Variants in COL8A2 observed in about 807,000 individuals in gnomAD.
COL8A2 encodes the protein collagen alpha-2(VIII) chain.
COL8A2 carries 16 observed loss-of-function variants against 24.0 expected under a neutral mutation model. The observed-to-expected ratio is 0.67, with a 90% confidence interval of 0.45 to 1.01. COL8A2 has a LOEUF of 1.01. Ranked by LOEUF, COL8A2 falls within the 50% of genes least tolerant of loss-of-function variation. The pLI, the probability that COL8A2 is intolerant of heterozygous loss-of-function variation, is 0.00. For synonymous variants in COL8A2, 466 were observed against 424.5 expected, an observed-to-expected ratio of 1.10 and a Z score of -1.20; for missense variants, 818 against 942.4, an observed-to-expected ratio of 0.87 and a Z score of 1.73.
At chr1:36,100,341 T>C in intron 2 of COL8A2, 83 bp from the exon 3 acceptor site, 1 of 1,183,826 alleles carries the variant, frequency 8.4e-7, no homozygotes, top group Non-Finnish European at 1.2e-6. Context: ...GATCAGAATT[T>C]AGAGATTACA....
At position 36,098,631 on chromosome 1, in the gene COL8A2, C is replaced by T; in HGVS notation, c.1050G>A (p.Glu350=). The T allele has an allele frequency of 1.2e-6, 2 of 1,611,038 alleles. No individual in the cohort carries two copies. The highest frequency in any genetic ancestry group is 1.1e-5 in the South Asian group (1 of 90,988). The part of the protein sequence containing the change: ...GEPGEDGEPG[E]QGPQGLGGPP... ...GACCCCCAAGACCCTGTGGGCCCTGCTCCCCTGGCTCCCCATCCTCCCCTG... is the reference window on the plus strand; with the variant it reads ...GACCCCCAAGACCCTGTGGGCCCTGTTCCCCTGGCTCCCCATCCTCCCCTG... Residue 350 remains glutamate, a synonymous_variant, in exon 4 of 4, where the codon GAG becomes GAA. Coordinates refer to ENST00000397799, the MANE Select transcript of COL8A2 (RefSeq NM_005202.4).
chr1:36,122,614 C>T (rs929354721), intron 1 of COL8A2, among the ~76,000 whole-genome samples: 2 of 152,100 alleles, frequency 1.3e-5, no homozygotes, highest in African/African-American at 2.4e-5. Flanking sequence ...CTGGCCCCAT[C>T]GCCAACCGGC....
At chr1:36,119,804 A>G (rs1016598917) in intron 1 of COL8A2, among the ~76,000 whole-genome samples, 2 of 152,156 alleles carry the variant, frequency 1.3e-5, no homozygotes, top group African/African-American at 4.8e-5. Context: ...CTTTCAGGAG[A>G]TAACTGACCC....
At chr1:36,117,639 G>A (rs1186116875) in intron 1 of COL8A2, among the ~76,000 whole-genome samples, 1 of 152,194 alleles carries the variant, frequency 6.6e-6, no homozygotes, top group Non-Finnish European at 1.5e-5. Flanking sequence ...ACAACCCAGT[G>A]ACAAAAGTAT....
intron 1 of COL8A2, among the ~76,000 whole-genome samples, chr1:36,119,042 C>T (rs1291106650): frequency 1.3e-5 from 2 of 152,128 alleles, no homozygotes; most frequent in African/African-American, 4.8e-5. Flanking sequence ...CTCCCGTAAC[C>T]CTGGAAGGCT....
intron 2 of COL8A2, among the ~76,000 whole-genome samples, chr1:36,106,651 G>A (rs2124089074): frequency 6.6e-6 from 1 of 152,306 alleles, no homozygotes; most frequent in African/African-American, 2.4e-5. Flanking sequence ...TGGGAGTGAT[G>A]GAGGGTGCAG....
intron 1 of COL8A2, among the ~76,000 whole-genome samples, chr1:36,124,625 TG>T (rs1643937611): frequency 6.6e-6 from 1 of 151,760 alleles, no homozygotes; most frequent in Admixed American, 6.6e-5. Context: ...GGCAGAGAGA[TG>T]GGGGCAGGAG....
In COL8A2 at chr1:36,095,463, A is replaced by G. The variant is rs1300487736; in HGVS notation, c.*2106T>C. The G allele has an allele frequency of 6.6e-6, 1 of 152,188 alleles. No individual in the cohort carries two copies. Among genetic ancestry groups the G allele is most frequent in the Admixed American group, 6.5e-5 (1 of 15,276 alleles). The allele number at this position is 152,188 out of a possible 1,614,324, so 9.4% of individuals were successfully genotyped here. On this transcript the variant is annotated 3_prime_UTR_variant, in exon 4 of 4. Transcript: ENST00000397799. ...TAAACTTTAATCTTAAAAAAAAAAT[A>G]GGAATCAATATAAAAATGCACAAGG...
intron 2 of COL8A2, among the ~76,000 whole-genome samples, chr1:36,111,816 G>A (rs1420435882): frequency 6.6e-6 from 1 of 151,924 alleles, no homozygotes; most frequent in Admixed American, 6.6e-5. Context: ...CTTCCCAACT[G>A]AGCCTCAGAC....
At chr1:36,107,889 G>A (rs1643782766) in intron 2 of COL8A2, among the ~76,000 whole-genome samples, 1 of 152,066 alleles carries the variant, frequency 6.6e-6, no homozygotes, top group African/African-American at 2.4e-5. Flanking sequence ...CGACACCTGG[G>A]AAACTGGCTG....
chr1:36,107,025 G>A (rs1643771526), intron 2 of COL8A2, among the ~76,000 whole-genome samples: 1 of 152,212 alleles, frequency 6.6e-6, no homozygotes, highest in Non-Finnish European at 1.5e-5. Context: ...CACGCAATAC[G>A]TGACTTAATT....
chr1:36,097,283 C>A lies in COL8A2; in HGVS notation c.*286G>T. On this transcript the variant is annotated 3_prime_UTR_variant, in exon 4 of 4. Transcript: ENST00000397799. ...GAGCTCCCTCTCAGCTCCTTCAGGGCCCAGCAGAGGCCAGGACTCACAAGG... is the reference window on the plus strand; with the variant it reads ...GAGCTCCCTCTCAGCTCCTTCAGGGACCAGCAGAGGCCAGGACTCACAAGG... The A allele has an allele frequency of 2.9e-6, 1 of 345,376 alleles. No homozygotes were observed. The highest frequency in any genetic ancestry group is 4.4e-5 in the South Asian group (1 of 22,492). 21.4% of individuals were successfully genotyped at this position (345,376 alleles called of 1,614,324 possible).
intron 2 of COL8A2, among the ~76,000 whole-genome samples, chr1:36,104,325 C>T (rs1643724005): frequency 6.6e-6 from 1 of 151,048 alleles, no homozygotes; most frequent in African/African-American, 2.4e-5. Flanking sequence ...ACCCTGATCT[C>T]TACTAAAAAT....
chr1:36,116,966 C>G (rs986832573), intron 1 of COL8A2, among the ~76,000 whole-genome samples: 2 of 152,204 alleles, frequency 1.3e-5, no homozygotes, highest in African/African-American at 4.8e-5. Flanking sequence ...CATAGCTGTA[C>G]GCAGAGGATC....
In COL8A2 at chr1:36,097,359, A is replaced by G. The variant is rs1378739061; in HGVS notation, c.*210T>C. On this transcript the variant is annotated 3_prime_UTR_variant, in exon 4 of 4. Transcript: ENST00000397799. ...ATGGGGTGCAGCCCTGACACTGCAC[A>G]GACATTTGGGGGAAAGAAACTCAGG... 3.5e-6 allele frequency: 2 copies of G among 574,722 alleles called. No homozygotes were observed. Among genetic ancestry groups the G allele is most frequent in the Non-Finnish European group, 6.2e-6 (2 of 322,546 alleles). The allele number at this position is 574,722 out of a possible 1,614,324, so 35.6% of individuals were successfully genotyped here. A position where few individuals can be genotyped will look rare whatever the true frequency, so the allele number is the denominator to read the frequency against.
At chr1:36,103,237 T>C (rs1478918134) in intron 2 of COL8A2, among the ~76,000 whole-genome samples, 1 of 152,118 alleles carries the variant, frequency 6.6e-6, no homozygotes, top group Non-Finnish European at 1.5e-5. Flanking sequence ...AGTTCTGGGA[T>C]TATAGGCATG....
rs759533070 is a variant in COL8A2, at chr1:36,098,163, C to T, written c.1518G>A (p.Thr506=). 151 of 1,491,012 alleles carry T rather than the reference C, an allele frequency of 1.0e-4. No homozygotes were observed. The highest frequency in any genetic ancestry group is 3.9e-4 in the Admixed American group (16 of 41,342). The allele number at this position is 1,491,012 out of a possible 1,614,324, so 92.4% of individuals were successfully genotyped here. Reference sequence around the variant, plus strand: ...GGGAGCCAGGGACCCCTGGGGGCCCCGTGGGCCCAGCCGTGCCAGGTTCCC... The same window carrying T: ...GGGAGCCAGGGACCCCTGGGGGCCCTGTGGGCCCAGCCGTGCCAGGTTCCC... The part of the protein sequence containing the change: ...RAGEPGTAGP[T]GPPGVPGSPG... Residue 506 remains threonine, a synonymous_variant, in exon 4 of 4, where the codon ACG becomes ACA. Coordinates refer to ENST00000397799, the MANE Select transcript of COL8A2 (RefSeq NM_005202.4).
chr1:36,124,658 G>A (rs1379868755), intron 1 of COL8A2, among the ~76,000 whole-genome samples: 3 of 152,102 alleles, frequency 2.0e-5, no homozygotes, highest in Admixed American at 6.5e-5. Context: ...GGATGCTAAG[G>A]CCCCTCACTC....
Position 36,096,687 on chromosome 1 carries a change from G to C in COL8A2, c.*882C>G, listed in dbSNP as rs1400529020. ...AGCAGGTGGAAGGGGAGAAAGGGAA[G>C]AGTGCTCATGTTTGCTGATGGTCGA... On this transcript the variant is annotated 3_prime_UTR_variant, in exon 4 of 4. Coordinates refer to ENST00000397799, the MANE Select transcript of COL8A2 (RefSeq NM_005202.4). The C allele has an allele frequency of 6.6e-6, 1 of 152,340 alleles. No individual in the cohort carries two copies. The highest frequency in any genetic ancestry group is 1.5e-5 in the Non-Finnish European group (1 of 68,140). 9.4% of individuals were successfully genotyped at this position (152,340 alleles called of 1,614,324 possible). A position where few individuals can be genotyped will look rare whatever the true frequency, so the allele number is the denominator to read the frequency against.
Sources: allele counts gnomAD v4.1 joint callset (sites outside exome capture counted in the v4.1 genomes callset), GRCh38; gene constraint gnomAD v4.1.1; transcripts MANE v1.5; gene names NCBI Gene and HGNC (gene_info 2026-07-23, HGNC 2026-07-21).